OXR1: variants seen among roughly 807,000 people sequenced by gnomAD.
OXR1 encodes the protein oxidation resistance protein 1.
A neutral mutation model predicts 104.6 loss-of-function variants in OXR1; 41 were observed. The ratio of observed to expected loss-of-function variants is 0.39; its 90% CI spans 0.31 to 0.51. The LOEUF (loss-of-function observed/expected upper bound fraction) is 0.51. Among genes scored for constraint, OXR1 ranks in the 20% least tolerant of loss-of-function variants. The pLI is 0.77. For missense variants in OXR1, 955 were observed against 1,031.9 expected (o/e 0.93, Z 1.02); for synonymous variants, 348 against 348.4 (o/e 1.00, Z 0.01).
Position 106,582,177 on chromosome 8 carries a change from CATATATAT to C in OXR1, c.220+63057_220+63064del, listed in dbSNP as rs71562108. Among the ~76,000 whole-genome samples, 351 of 119,330 alleles carry C rather than the reference CATATATAT, an allele frequency of 2.9e-3. 4 individuals carry two copies. The highest frequency in any genetic ancestry group is 0.013 in the African/African-American group (332 of 25,960). The allele number at this position is 119,330 out of a possible 152,430, so 78.3% of individuals were successfully genotyped here. A position where few individuals can be genotyped will look rare whatever the true frequency, so the allele number is the denominator to read the frequency against. ...AGCAAGACAGATTTTTTTCTATTGACATATATATATATATATATATATATATGAAGGAA... is the reference window on the plus strand; with the variant it reads ...AGCAAGACAGATTTTTTTCTATTGACATATATATATATATATATGAAGGAA... On this transcript the variant is annotated intron_variant, in intron 3 of 16. Coordinates refer to ENST00000517566, the MANE Select transcript of OXR1 (RefSeq NM_001198533.2).
At chr8:106,701,087 G>A (rs1227446977) in intron 7 of OXR1, among the ~76,000 whole-genome samples, 1 of 152,028 alleles carries the variant, frequency 6.6e-6, no homozygotes, top group Non-Finnish European at 1.5e-5. Context: ...ACTTGAGTTG[G>A]TATGTGACCC....
intron 2 of OXR1, among the ~76,000 whole-genome samples, chr8:106,436,396 A>G (rs1177021670): frequency 2.6e-5 from 4 of 152,046 alleles, no homozygotes; most frequent in African/African-American, 4.8e-5. Flanking sequence ...AGTTGTAATC[A>G]CCTCACTCTC....
At chr8:106,468,529 T>G (rs143160540) in intron 2 of OXR1, among the ~76,000 whole-genome samples, 8 of 151,862 alleles carry the variant, frequency 5.3e-5, no homozygotes, top group African/African-American at 9.6e-5. Flanking sequence ...AGAACAAGTA[T>G]GTCAACGTGG....
intron 11 of OXR1, among the ~76,000 whole-genome samples, chr8:106,735,462 A>C (rs2131546295): frequency 6.6e-6 from 1 of 152,282 alleles, no homozygotes; most frequent in Admixed American, 6.5e-5. Context: ...TGATACAATT[A>C]GGTTATGACT....
intron 11 of OXR1, among the ~76,000 whole-genome samples, chr8:106,736,769 T>G (rs1197665615): frequency 6.6e-6 from 1 of 152,068 alleles, no homozygotes; most frequent in Non-Finnish European, 1.5e-5. Context: ...AGTTTTCCTT[T>G]GAAAGTTAAA....
At chr8:106,610,377 T>A (rs1003364317) in intron 3 of OXR1, among the ~76,000 whole-genome samples, 3 of 152,210 alleles carry the variant, frequency 2.0e-5, no homozygotes, top group Non-Finnish European at 4.4e-5. Flanking sequence ...CATCTTCTCA[T>A]TTGCAGCTAA....
intron 3 of OXR1, among the ~76,000 whole-genome samples, chr8:106,530,037 C>G (rs1424630641): frequency 6.6e-6 from 1 of 152,116 alleles, no homozygotes; most frequent in Non-Finnish European, 1.5e-5. Context: ...TCCCATTTCA[C>G]TGAATAATGG....
chr8:106,684,622 T>A (rs1176318022), intron 6 of OXR1, among the ~76,000 whole-genome samples: 1 of 152,212 alleles, frequency 6.6e-6, no homozygotes, highest in Non-Finnish European at 1.5e-5. Context: ...ATATATAATT[T>A]AACTTACAAA....
intron 9 of OXR1, among the ~76,000 whole-genome samples, chr8:106,709,773 A>G (rs184887140): frequency 6.6e-6 from 1 of 152,266 alleles, no homozygotes; most frequent in African/African-American, 2.4e-5. Flanking sequence ...AGAAATATTC[A>G]AACTTTCTGA....
chr8:106,417,301 T>C (rs1043131589), intron 2 of OXR1, among the ~76,000 whole-genome samples: 4 of 152,140 alleles, frequency 2.6e-5, no homozygotes, highest in Non-Finnish European at 5.9e-5. Context: ...AACTCCACTA[T>C]TATGCAAATG....
At chr8:106,490,757 C>T (rs749525089) in intron 2 of OXR1, among the ~76,000 whole-genome samples, 11 of 152,064 alleles carry the variant, frequency 7.2e-5, no homozygotes, top group East Asian at 1.9e-4. Context: ...GCAAGCACCC[C>T]GGGGAAATAT....
intron 2 of OXR1, among the ~76,000 whole-genome samples, chr8:106,461,041 G>A (rs565958735): frequency 6.6e-6 from 1 of 152,252 alleles, no homozygotes; most frequent in South Asian, 2.1e-4. Flanking sequence ...AAGAACACTA[G>A]GGGGACATAA....
chr8:106,349,373 T>A (rs1353238181), intron 1 of OXR1, among the ~76,000 whole-genome samples: 2 of 152,078 alleles, frequency 1.3e-5, no homozygotes, highest in African/African-American at 4.8e-5. Context: ...ATTCAGATGC[T>A]TTAAAAAATC....
intron 10 of OXR1, among the ~76,000 whole-genome samples, chr8:106,711,090 G>A (rs1350859304): frequency 6.6e-6 from 1 of 152,086 alleles, no homozygotes; most frequent in Non-Finnish European, 1.5e-5. Flanking sequence ...GCTCCTTCCT[G>A]AAGGCAGCTA....
intron 3 of OXR1, among the ~76,000 whole-genome samples, chr8:106,580,363 A>G (rs932321297): frequency 2.6e-5 from 4 of 152,184 alleles, no homozygotes; most frequent in Non-Finnish European, 4.4e-5. Flanking sequence ...CACTTTGCCT[A>G]ATATCCTCAA....
chr8:106,432,651 T>A (rs1819409040), intron 2 of OXR1, among the ~76,000 whole-genome samples: 2 of 152,168 alleles, frequency 1.3e-5, no homozygotes, highest in South Asian at 4.1e-4. Flanking sequence ...AAGGTTTTTT[T>A]TTTCTGCAAA....
intron 2 of OXR1, among the ~76,000 whole-genome samples, chr8:106,407,245 C>A (rs1818280336): frequency 6.6e-6 from 1 of 152,158 alleles, no homozygotes; most frequent in Admixed American, 6.5e-5. Context: ...CTGATACTAT[C>A]TTGAGCTACT....
In OXR1 at chr8:106,706,387, T is replaced by C. The variant is rs752670166; in HGVS notation, c.866T>C (p.Ile289Thr). The C allele has an allele frequency of 2.2e-5, 35 of 1,564,732 alleles. No individual in the cohort carries two copies. In the Admixed American group the frequency reaches 2.4e-4, roughly 11 times the overall value. Residue 289 changes from isoleucine to threonine, a missense_variant, in exon 9 of 17, where the codon ATA (isoleucine) becomes ACA (threonine). By Grantham distance (89) the Ile-to-Thr change is moderately conservative. Transcript: ENST00000517566. ...SKIKESLPIDIDQLSGRDFCH... is the reference protein window; with the variant it reads ...SKIKESLPIDTDQLSGRDFCH... ...TTAATTTTGTTTAATGACAGAGATA[T>C]AGATCAGCTATCAGGAAGGGACTTC...
intron 6 of OXR1, among the ~76,000 whole-genome samples, chr8:106,685,416 C>A (rs146108015): frequency 2.3e-4 from 35 of 152,190 alleles, no homozygotes; most frequent in Admixed American, 5.9e-4. Flanking sequence ...TCCTGTTCCT[C>A]GGCTTTAACC....
Sources: gnomAD v4.1 joint callset for allele counts (sites outside exome capture counted in the v4.1 genomes callset) on GRCh38, gnomAD v4.1.1 for gene constraint, MANE v1.5 for transcripts, NCBI Gene and HGNC (gene_info 2026-07-23, HGNC 2026-07-21) for gene names.